Variants in SH3BP5 observed in about 807,000 individuals in gnomAD.
SH3BP5 encodes the protein SH3 domain binding protein 5.
In SH3BP5, 22 loss-of-function variants were observed where a neutral mutation model predicts 43.3. That is an observed-to-expected ratio of 0.51 (90% CI 0.36 to 0.73). The LOEUF is 0.73. Among genes scored for constraint, SH3BP5 ranks in the 30% least tolerant of loss-of-function variants. SH3BP5 has a pLI of 0.00. For missense variants in SH3BP5, 529 were observed against 586.9 expected, an observed-to-expected ratio of 0.90 and a Z score of 1.02; for synonymous variants, 255 against 225.8, an observed-to-expected ratio of 1.13 and a Z score of -1.16.
chr3:15,280,456 G>T (rs897325779), intron 3 of SH3BP5, among the ~76,000 whole-genome samples: 2 of 151,988 alleles, frequency 1.3e-5, no homozygotes, highest in African/African-American at 2.4e-5. Context: ...CAAATAACAG[G>T]GTCTTTGCGC....
At chr3:15,279,333 T>C (rs1697057270) in intron 3 of SH3BP5, among the ~76,000 whole-genome samples, 1 of 152,202 alleles carries the variant, frequency 6.6e-6, no homozygotes, top group Non-Finnish European at 1.5e-5. Context: ...AAGAAATCTA[T>C]GGTATGTATC....
chr3:15,311,701 A>G (rs1408309318), intron 2 of SH3BP5, among the ~76,000 whole-genome samples: 1 of 151,910 alleles, frequency 6.6e-6, no homozygotes, highest in African/African-American at 2.4e-5. Context: ...TTGAGACAGG[A>G]TCTCTCTCTG....
chr3:15,260,271 ACTC>A (rs1696386181), intron 5 of SH3BP5: 4 of 172,218 alleles, frequency 2.3e-5, no homozygotes, highest in Admixed American at 2.2e-4. Context: ...GAGAAGCACC[ACTC>A]CTCCCTCACA....
chr3:15,320,635 C>CACACACACACACACACACACAT (rs773355544), intron 2 of SH3BP5, among the ~76,000 whole-genome samples: 17 of 151,158 alleles, frequency 1.1e-4, no homozygotes, highest in Non-Finnish European at 1.9e-4. Flanking sequence ...CACACACACA[C>CACACACACACACACACACACAT]ACACACCCCA....
chr3:15,321,957 T>C (rs1807825), intron 2 of SH3BP5, among the ~76,000 whole-genome samples: 124,477 of 152,188 alleles, frequency 0.82, 51,230 homozygotes, highest in African/African-American at 0.9. Context: ...ATAATCCCAG[T>C]ACTTTGGGAG....
chr3:15,309,910 C>T (rs999800307), intron 2 of SH3BP5, among the ~76,000 whole-genome samples: 4 of 150,494 alleles, frequency 2.7e-5, no homozygotes, highest in African/African-American at 7.5e-5. Context: ...CGCTCCACCC[C>T]CCCCCCATAA....
intron 2 of SH3BP5, among the ~76,000 whole-genome samples, chr3:15,323,873 G>A (rs1246054237): frequency 2.0e-5 from 3 of 152,280 alleles, no homozygotes; most frequent in East Asian, 3.9e-4. Context: ...AAGCTTTGCC[G>A]GCTGTCCTAT....
At chr3:15,336,640 G>A (rs549001652), upstream of SH3BP5, among the ~76,000 whole-genome samples, 3 of 152,292 alleles carry the variant, frequency 2.0e-5, no homozygotes, top group East Asian at 5.8e-4. Context: ...TGGTGACTGA[G>A]TTGACCATGG....
chr3:15,281,107 T>C (rs1307016514), intron 3 of SH3BP5, among the ~76,000 whole-genome samples: 1 of 152,074 alleles, frequency 6.6e-6, no homozygotes, highest in Non-Finnish European at 1.5e-5. Context: ...GGGTGGAGCA[T>C]AGGAGTGGAG....
intron 3 of SH3BP5, among the ~76,000 whole-genome samples, chr3:15,289,071 AAG>A (rs1475227630): frequency 6.6e-6 from 1 of 152,230 alleles, no homozygotes; most frequent in Non-Finnish European, 1.5e-5. Flanking sequence ...CCATGCTCAA[AAG>A]AGTCTTATGC....
At chr3:15,311,681 T>G (rs1698062299) in intron 2 of SH3BP5, among the ~76,000 whole-genome samples, 1 of 152,106 alleles carries the variant, frequency 6.6e-6, no homozygotes, top group Non-Finnish European at 1.5e-5. Flanking sequence ...TATTTTTTGT[T>G]TTTTGTTTTT....
At chr3:15,257,236 G>A in intron 7 of SH3BP5, 123 bp from the exon 8 acceptor site, 1 of 989,174 alleles carries the variant, frequency 1.0e-6, no homozygotes, top group Non-Finnish European at 1.5e-6. Context: ...CTCTGTGAGT[G>A]CCTAATGAAG....
chr3:15,255,896 G>A lies in SH3BP5; in HGVS notation c.*190C>T, dbSNP rs1696176727. 1.7e-6 allele frequency: 1 copy of A among 596,686 alleles called. No individual in the cohort carries two copies. Among genetic ancestry groups the A allele is most frequent in the South Asian group, 2.0e-5 (1 of 49,160 alleles). The allele number at this position is 596,686 out of a possible 1,614,324, so 37.0% of individuals were successfully genotyped here. On this transcript the variant is annotated 3_prime_UTR_variant, in exon 9 of 9. Coordinates refer to ENST00000383791, the MANE Select transcript of SH3BP5 (RefSeq NM_004844.5). The stretch of plus-strand genomic sequence containing the variant: ...ACAGTCTACCCACAACAAGAACTCT[G>A]CTCTGAAAAACCAGCCCAAGAGCTC...
At position 15,272,725 on chromosome 3, in the gene SH3BP5, T is replaced by C. The variant is rs188284294; in HGVS notation, c.331-2848A>G. ...ACAAAACAGAGTGCCTGTAGGAGAT[T>C]CGATGATACCTCAGATCAAATTTTT... On this transcript the variant is annotated intron_variant, in intron 3 of 8. Coordinates refer to ENST00000383791, the MANE Select transcript of SH3BP5 (RefSeq NM_004844.5). Among the ~76,000 whole-genome samples, 12 of 144,348 alleles carry C rather than the reference T, an allele frequency of 8.3e-5. No homozygotes were observed. The East Asian group carries it at 2.9e-3, about 35-fold the overall frequency. The allele number at this position is 144,348 out of a possible 152,430, so 94.7% of individuals were successfully genotyped here. A position where few individuals can be genotyped will look rare whatever the true frequency, so the allele number is the denominator to read the frequency against.
chr3:15,329,149 CAAA>C (rs72054480), intron 2 of SH3BP5, among the ~76,000 whole-genome samples: 1 of 141,640 alleles, frequency 7.1e-6, no homozygotes, highest in East Asian at 2.0e-4. Context: ...GACTCTGTCT[CAAA>C]AAAAAAAAAA....
intron 2 of SH3BP5, among the ~76,000 whole-genome samples, chr3:15,324,089 T>A (rs1440124669): frequency 6.6e-6 from 1 of 152,226 alleles, no homozygotes; most frequent in African/African-American, 2.4e-5. Context: ...ATGTGTTTTT[T>A]CTTTATAATC....
rs776759915 is a variant in SH3BP5 at position 15,256,940 on chromosome 3, G to A, written c.1063C>T (p.Leu355=). 3.1e-6 allele frequency: 5 copies of A among 1,614,074 alleles called. No homozygotes were observed. The African/African-American group carries it at 6.7e-5, about 22-fold the overall frequency. The change falls in exon 8 of 9, where the codon CTG becomes TTG. Residue 355 remains leucine (L), a synonymous_variant. Transcript: ENST00000383791. ...GSLDLPSPVS[L]SEFGMMFPVL... ...GGGAACATCATCCCAAACTCTGACA[G>A]GGACACAGGGCTGGGCAGATCCAGG...
chr3:15,284,884 C>T (rs1313334691), intron 3 of SH3BP5, among the ~76,000 whole-genome samples: 1 of 152,190 alleles, frequency 6.6e-6, no homozygotes, highest in East Asian at 1.9e-4. Flanking sequence ...CCAGGGACAC[C>T]AGCACACACT....
chr3:15,285,313 G>T (rs1278216863), intron 3 of SH3BP5, among the ~76,000 whole-genome samples: 1 of 152,122 alleles, frequency 6.6e-6, no homozygotes, highest in Non-Finnish European at 1.5e-5. Flanking sequence ...TGATGTAAAA[G>T]CTCACCTGAA....
Sources: gnomAD v4.1 joint callset for allele counts (sites outside exome capture counted in the v4.1 genomes callset) on GRCh38, gnomAD v4.1.1 for gene constraint, MANE v1.5 for transcripts, NCBI Gene and HGNC (gene_info 2026-07-23, HGNC 2026-07-21) for gene names.